The following DLG2 variants were observed in gnomAD, a reference collection of about 807,000 sequenced individuals.
The protein encoded by DLG2 is disks large homolog 2.
A neutral mutation model predicts 132.5 loss-of-function variants in DLG2; 45 were observed. The ratio of observed to expected loss-of-function variants is 0.34; its 90% CI spans 0.27 to 0.44. DLG2 has a LOEUF of 0.44. Ranked by LOEUF, DLG2 falls within the 20% of genes least tolerant of loss-of-function variation. DLG2 has a pLI of 1.00. For missense variants in DLG2, 1,045 were observed against 1,196.9 expected (o/e 0.87, Z 1.87); for synonymous variants, 424 against 419.6 (o/e 1.01, Z -0.13).
At chr11:84,517,560 T>A (rs1471135182) in intron 7 of DLG2, among the ~76,000 whole-genome samples, 1 of 151,960 alleles carries the variant, frequency 6.6e-6, no homozygotes, top group African/African-American at 2.4e-5. Context: ...TATAAATTAA[T>A]GCAACCATTA....
intron 6 of DLG2, among the ~76,000 whole-genome samples, chr11:84,766,576 T>G (rs1374250653): frequency 6.6e-6 from 1 of 152,060 alleles, no homozygotes; most frequent in African/African-American, 2.4e-5. Context: ...AAATAATTGT[T>G]AAACAAATAC....
chr11:84,261,494 G>A (rs941792908), intron 7 of DLG2, among the ~76,000 whole-genome samples: 1 of 152,074 alleles, frequency 6.6e-6, no homozygotes, highest in African/African-American at 2.4e-5. Context: ...ACATTTTAAA[G>A]CACTCATTAT....
chr11:84,330,123 G>A (rs1300149410), intron 7 of DLG2, among the ~76,000 whole-genome samples: 1 of 152,142 alleles, frequency 6.6e-6, no homozygotes, highest in African/African-American at 2.4e-5. Context: ...GCATTTACCT[G>A]TCTGTCTATT....
chr11:84,157,046 C>T (rs983225296), intron 9 of DLG2, among the ~76,000 whole-genome samples: 5 of 151,946 alleles, frequency 3.3e-5, no homozygotes, highest in Non-Finnish European at 2.9e-5. Flanking sequence ...TTCTAGGTCT[C>T]TTTAGCTATT....
chr11:84,148,214 T>G (rs1438184826), intron 9 of DLG2, among the ~76,000 whole-genome samples: 1 of 152,208 alleles, frequency 6.6e-6, no homozygotes, highest in Non-Finnish European at 1.5e-5. Context: ...TTACAAATTA[T>G]AATTTTTTCC....
At chr11:85,417,767 A>T (rs2089985275) in intron 3 of DLG2, among the ~76,000 whole-genome samples, 1 of 152,030 alleles carries the variant, frequency 6.6e-6, no homozygotes, top group Non-Finnish European at 1.5e-5. Context: ...GGTCATTTGT[A>T]TTTCTGTGGC....
chr11:83,749,004 G>A (rs745709882), intron 18 of DLG2, among the ~76,000 whole-genome samples: 1 of 152,058 alleles, frequency 6.6e-6, no homozygotes, highest in Non-Finnish European at 1.5e-5. Flanking sequence ...CATAGATTTT[G>A]GTCAATTATA....
At position 83,986,424 on chromosome 11, in the gene DLG2, G is replaced by A. The variant is rs1472465181; in HGVS notation, c.920-5782C>T. On this transcript the variant is annotated intron_variant, in intron 11 of 27. Transcript: ENST00000376104. ...TTATGGCTGCATAGTATTCCATGGT[G>A]TATATGTGCCACATTTTCTTAATCC... Among the ~76,000 whole-genome samples the A allele has an allele frequency of 2.6e-5, 4 of 151,528 alleles. 1 individual carries two copies. Among genetic ancestry groups the A allele is most frequent in the Admixed American group, 2.6e-4 (4 of 15,164 alleles).
chr11:85,054,399 G>C (rs2063241315), intron 6 of DLG2, among the ~76,000 whole-genome samples: 1 of 152,116 alleles, frequency 6.6e-6, no homozygotes, highest in Non-Finnish European at 1.5e-5. Flanking sequence ...CAGCATAAAG[G>C]AAATGCTTAT....
intron 10 of DLG2, among the ~76,000 whole-genome samples, chr11:84,068,499 C>T (rs1416146845): frequency 6.6e-6 from 1 of 152,076 alleles, no homozygotes; most frequent in African/African-American, 2.4e-5. Flanking sequence ...TCCAGTGTTC[C>T]TCCATTAGGT....
At chr11:83,632,902 T>G (rs1416897902) in intron 19 of DLG2, 7 of 313,964 alleles carry the variant, frequency 2.2e-5, no homozygotes, top group Non-Finnish European at 4.2e-5. Flanking sequence ...GGTCCACATA[T>G]GCCATTTAAG....
intron 14 of DLG2, among the ~76,000 whole-genome samples, chr11:83,933,845 A>G (rs2154133004): frequency 6.6e-6 from 1 of 152,370 alleles, no homozygotes; most frequent in African/African-American, 2.4e-5. Flanking sequence ...GAGAAAAAAA[A>G]GGCCTAGGCC....
chr11:83,705,410 T>C (rs187131550), intron 18 of DLG2, among the ~76,000 whole-genome samples: 2 of 152,298 alleles, frequency 1.3e-5, no homozygotes, highest in African/African-American at 4.8e-5. Context: ...GAGAGTTAAA[T>C]TGATTACTTT....
At chr11:85,073,098 C>T (rs2066093987) in intron 6 of DLG2, among the ~76,000 whole-genome samples, 1 of 151,834 alleles carries the variant, frequency 6.6e-6, no homozygotes, top group African/African-American at 2.4e-5. Context: ...TCATATTAAA[C>T]ATATTTCAAA....
intron 9 of DLG2, among the ~76,000 whole-genome samples, chr11:84,101,669 T>C (rs1566502152): frequency 6.6e-6 from 1 of 151,842 alleles, no homozygotes; most frequent in African/African-American, 2.4e-5. Flanking sequence ...GATCCAGAGG[T>C]TTGGGAAGAA....
chr11:85,115,122 A>AT (rs1174447767), intron 5 of DLG2, among the ~76,000 whole-genome samples: 5 of 151,840 alleles, frequency 3.3e-5, no homozygotes, highest in Non-Finnish European at 2.9e-5. Flanking sequence ...GAAGTATTGC[A>AT]TGATAGAACT....
At chr11:85,044,129 T>G (rs1428384534) in intron 6 of DLG2, among the ~76,000 whole-genome samples, 1 of 151,962 alleles carries the variant, frequency 6.6e-6, no homozygotes, top group African/African-American at 2.4e-5. Flanking sequence ...ACTTAGTAAC[T>G]TCTTTATTTT....
At chr11:84,444,766 A>G (rs1305227371) in intron 7 of DLG2, among the ~76,000 whole-genome samples, 1 of 150,342 alleles carries the variant, frequency 6.7e-6, no homozygotes, top group South Asian at 2.1e-4. Flanking sequence ...GAGCACTTTT[A>G]TAGTATCTGC....
At chr11:84,867,044 A>C (rs567519368) in intron 6 of DLG2, among the ~76,000 whole-genome samples, 1 of 152,360 alleles carries the variant, frequency 6.6e-6, no homozygotes, top group African/African-American at 2.4e-5. Flanking sequence ...TTAAGTATAT[A>C]AACTGGTTCA....
Sources: gnomAD v4.1 joint callset for allele counts (sites outside exome capture counted in the v4.1 genomes callset) on GRCh38, gnomAD v4.1.1 for gene constraint, MANE v1.5 for transcripts, NCBI Gene and HGNC (gene_info 2026-07-23, HGNC 2026-07-21) for gene names.